Variants in CTNNA3 observed in about 807,000 individuals in gnomAD.
CTNNA3 encodes catenin alpha 3, also known as catenin alpha-3.
In CTNNA3, 76 loss-of-function variants were observed where a neutral mutation model predicts 95.7. The observed-to-expected ratio is 0.79, with a 90% CI of 0.66 to 0.96. The LOEUF (loss-of-function observed/expected upper bound fraction) is 0.96, where lower values mean the gene tolerates loss of function less well. CTNNA3 is among the 40% of genes least tolerant of loss of function. The pLI, the probability that CTNNA3 is intolerant of heterozygous loss-of-function variation, is 0.00. For synonymous variants in CTNNA3, 431 were observed against 374.4 expected (o/e 1.15, Z -1.74); for missense variants, 1,191 against 1,089.8 (o/e 1.09, Z -1.31).
At chr10:66,975,443 T>C (rs1035796059) in intron 7 of CTNNA3, among the ~76,000 whole-genome samples, 10 of 152,182 alleles carry the variant, frequency 6.6e-5, no homozygotes, top group African/African-American at 2.4e-4. Context: ...CATCAGCTAC[T>C]GGTGTAAGTA....
intron 7 of CTNNA3, among the ~76,000 whole-genome samples, chr10:66,933,047 C>T (rs553436717): frequency 2.6e-5 from 4 of 152,094 alleles, no homozygotes; most frequent in Admixed American, 1.3e-4. Context: ...ATTGGGAGGA[C>T]GAAATGTGAA....
At chr10:66,208,336 A>C (rs2087900851) in intron 13 of CTNNA3, among the ~76,000 whole-genome samples, 1 of 152,166 alleles carries the variant, frequency 6.6e-6, no homozygotes, top group Non-Finnish European at 1.5e-5. Flanking sequence ...TAGATTACAA[A>C]GAGAAAGGAC....
chr10:66,801,623 TCCCTATG>T (rs1014726947), intron 7 of CTNNA3, among the ~76,000 whole-genome samples: 124 of 151,700 alleles, frequency 8.2e-4, no homozygotes, highest in Middle Eastern at 3.4e-3. Flanking sequence ...AATAAATAGA[TCCCTATG>T]CCCTATGCAT....
intron 11 of CTNNA3, among the ~76,000 whole-genome samples, chr10:66,489,006 G>A (rs1384085572): frequency 6.6e-6 from 1 of 152,034 alleles, no homozygotes; most frequent in Non-Finnish European, 1.5e-5. Context: ...AGTTGAAGAG[G>A]AGAGGGATTT....
intron 4 of CTNNA3, among the ~76,000 whole-genome samples, chr10:67,536,313 G>T (rs1434435912): frequency 6.6e-6 from 1 of 152,062 alleles, no homozygotes; most frequent in Non-Finnish European, 1.5e-5. Context: ...TAGACGCACT[G>T]TTTGAAATAG....
chr10:67,171,614 T>C (rs1862026302), intron 7 of CTNNA3, among the ~76,000 whole-genome samples: 1 of 151,226 alleles, frequency 6.6e-6, no homozygotes, highest in South Asian at 2.1e-4. Context: ...TGACCAGGCC[T>C]GGTAGTGCAC....
intron 6 of CTNNA3, among the ~76,000 whole-genome samples, chr10:67,183,299 A>G (rs918057485): frequency 3.3e-5 from 5 of 152,218 alleles, no homozygotes; most frequent in African/African-American, 1.2e-4. Context: ...CAAATGTCCA[A>G]CAATTGTAGA....
At chr10:66,613,278 C>T (rs1844391881) in intron 10 of CTNNA3, among the ~76,000 whole-genome samples, 2 of 152,182 alleles carry the variant, frequency 1.3e-5, no homozygotes, top group South Asian at 2.1e-4. Flanking sequence ...GACACACCAC[C>T]TCCGATTTTC....
intron 1 of CTNNA3, among the ~76,000 whole-genome samples, chr10:67,737,635 C>G (rs111747839): frequency 1.3e-5 from 2 of 152,198 alleles, no homozygotes; most frequent in African/African-American, 4.8e-5. Flanking sequence ...ATTTATGCAG[C>G]CAAAAGACAC....
chr10:66,233,447 T>G (rs1386859971), intron 13 of CTNNA3, among the ~76,000 whole-genome samples: 2 of 152,064 alleles, frequency 1.3e-5, no homozygotes, highest in Non-Finnish European at 2.9e-5. Flanking sequence ...TGAATAACAT[T>G]TAGAATATGT....
chr10:66,636,478 A>C (rs1656281571), intron 9 of CTNNA3, among the ~76,000 whole-genome samples: 1 of 152,038 alleles, frequency 6.6e-6, no homozygotes, highest in African/African-American at 2.4e-5. Context: ...AGGAGTAAGA[A>C]GGGATCTTGT....
intron 7 of CTNNA3, among the ~76,000 whole-genome samples, chr10:66,886,861 A>C (rs1845064036): frequency 6.6e-6 from 1 of 152,178 alleles, no homozygotes; most frequent in African/African-American, 2.4e-5. Flanking sequence ...CAAGGCTTAC[A>C]TTTCTCAGAA....
Position 67,611,475 on chromosome 10 carries a change from G to A in CTNNA3, c.100-4426C>T, listed in dbSNP as rs1012745957. 5.3e-4 allele frequency among the ~76,000 whole-genome samples: 81 copies of A among 151,630 alleles called. 1 individual carries two copies. Among genetic ancestry groups the A allele is most frequent in the African/African-American group, 1.9e-3 (80 of 41,386 alleles). ...ACTACAGGCACCTGCCACCACGCCTGGCTAATTTTTTTTGTATTTTTTAGT... is the reference window on the plus strand; with the variant it reads ...ACTACAGGCACCTGCCACCACGCCTAGCTAATTTTTTTTGTATTTTTTAGT... On this transcript the variant is annotated intron_variant, in intron 2 of 17. Transcript: ENST00000433211.
chr10:66,601,365 A>G (rs1211533409), intron 10 of CTNNA3, among the ~76,000 whole-genome samples: 2 of 151,984 alleles, frequency 1.3e-5, no homozygotes, highest in Non-Finnish European at 2.9e-5. Flanking sequence ...CTATAAGTAC[A>G]GTTATTTTAT....
intron 11 of CTNNA3, among the ~76,000 whole-genome samples, chr10:66,494,054 T>TTA (rs535203561): frequency 0.027 from 4,152 of 151,494 alleles, 201 homozygotes; most frequent in African/African-American, 0.095. Flanking sequence ...ACTACAGGCA[T>TTA]GTGCCACCAT....
Position 67,025,563 on chromosome 10 carries a change from A to G in CTNNA3, c.1047+154754T>C, listed in dbSNP as rs183574758. Among the ~76,000 whole-genome samples, 11 of 152,080 alleles carry G rather than the reference A, an allele frequency of 7.2e-5. No homozygotes were observed. The South Asian group carries it at 1.2e-3, about 17-fold the overall frequency. On this transcript the variant is annotated intron_variant, in intron 7 of 17. Transcript: ENST00000433211. ...TGTATTTTGCATCTTGTTATTTGCA[A>G]TGTTACTGAGAATAGCTCGGTTTCT...
intron 15 of CTNNA3, among the ~76,000 whole-genome samples, chr10:66,038,313 G>A (rs374580345): frequency 6.6e-6 from 1 of 152,154 alleles, no homozygotes; most frequent in Non-Finnish European, 1.5e-5. Flanking sequence ...TGAACAACAT[G>A]CATTCCAGTG....
At chr10:67,224,792 G>A (rs1450726924) in intron 5 of CTNNA3, among the ~76,000 whole-genome samples, 1 of 152,200 alleles carries the variant, frequency 6.6e-6, no homozygotes, top group African/African-American at 2.4e-5. Flanking sequence ...AGAAGCAGGG[G>A]TTGGGGGAGG....
At chr10:67,679,973 A>G (rs1482402343) in intron 1 of CTNNA3, among the ~76,000 whole-genome samples, 1 of 152,248 alleles carries the variant, frequency 6.6e-6, no homozygotes, top group African/African-American at 2.4e-5. Context: ...TGCATTAATA[A>G]GGGACTGGTT....
Sources: allele counts gnomAD v4.1 joint callset (sites outside exome capture counted in the v4.1 genomes callset), GRCh38; gene constraint gnomAD v4.1.1; transcripts MANE v1.5; gene names NCBI Gene and HGNC (gene_info 2026-07-23, HGNC 2026-07-21).